ZSWIM5: variants seen among roughly 807,000 people sequenced by gnomAD.
ZSWIM5 encodes the protein zinc finger SWIM-type containing 5.
A neutral mutation model predicts 119.6 loss-of-function variants in ZSWIM5; 55 were observed. The ratio of observed to expected loss-of-function variants is 0.46; its 90% CI spans 0.37 to 0.58. The LOEUF is 0.58. Ranked by LOEUF, ZSWIM5 falls within the 20% of genes least tolerant of loss-of-function variation. The pLI is 0.00. For synonymous variants in ZSWIM5, 537 were observed against 606.9 expected (o/e 0.88, Z 1.69); for missense variants, 1,193 against 1,512.8 (o/e 0.79, Z 3.51).
At chr1:45,081,867 C>T (rs1421083420) in intron 2 of ZSWIM5, among the ~76,000 whole-genome samples, 1 of 151,780 alleles carries the variant, frequency 6.6e-6, no homozygotes, top group Non-Finnish European at 1.5e-5. Flanking sequence ...ATGACAATGG[C>T]GGCTTTGTGG....
intron 1 of ZSWIM5, among the ~76,000 whole-genome samples, chr1:45,194,836 C>T (rs1646112772): frequency 6.6e-6 from 1 of 151,230 alleles, no homozygotes; most frequent in Non-Finnish European, 1.5e-5. Flanking sequence ...GAGATTGCAC[C>T]ACTGCACACC....
intron 8 of ZSWIM5, among the ~76,000 whole-genome samples, chr1:45,038,452 C>T (rs953856455): frequency 6.6e-6 from 1 of 151,536 alleles, no homozygotes; most frequent in African/African-American, 2.4e-5. Context: ...AAAATCAGGA[C>T]AAGGCCAGAC....
At chr1:45,106,778 G>A (rs966477773) in intron 1 of ZSWIM5, among the ~76,000 whole-genome samples, 4 of 152,320 alleles carry the variant, frequency 2.6e-5, no homozygotes, top group Non-Finnish European at 4.4e-5. Flanking sequence ...AAGAAAAGGG[G>A]GAAATGTGGG....
At chr1:45,034,520 G>C (rs779663960) in intron 10 of ZSWIM5, 51 bp from the exon 11 acceptor site, 3 of 1,544,994 alleles carry the variant, frequency 1.9e-6, no homozygotes, top group South Asian at 1.3e-5. Flanking sequence ...CTGGGCTTCC[G>C]AGCCACCTTA....
chr1:45,032,858 T>A (rs1338267053), intron 11 of ZSWIM5, among the ~76,000 whole-genome samples: 1 of 152,084 alleles, frequency 6.6e-6, no homozygotes, highest in Non-Finnish European at 1.5e-5. Flanking sequence ...ACATTGTTTC[T>A]AATGAGAAAT....
At chr1:45,073,438 T>C (rs551961136) in intron 2 of ZSWIM5, among the ~76,000 whole-genome samples, 2 of 151,452 alleles carry the variant, frequency 1.3e-5, no homozygotes, top group South Asian at 4.2e-4. Flanking sequence ...TTTGTATTTT[T>C]AGTAGAGGTA....
intron 1 of ZSWIM5, among the ~76,000 whole-genome samples, chr1:45,153,106 A>G (rs1417621589): frequency 1.3e-5 from 2 of 151,512 alleles, no homozygotes; most frequent in East Asian, 1.9e-4. Flanking sequence ...AAAAAAAAAA[A>G]AAAAGAAAAA....
At chr1:45,052,452 A>G (rs1052895973) in intron 4 of ZSWIM5, among the ~76,000 whole-genome samples, 1 of 152,194 alleles carries the variant, frequency 6.6e-6, no homozygotes, top group Non-Finnish European at 1.5e-5. Context: ...CTTAGCCTCA[A>G]TTTCAGATAT....
chr1:45,127,846 A>T (rs1421875432), intron 1 of ZSWIM5, among the ~76,000 whole-genome samples: 1 of 152,174 alleles, frequency 6.6e-6, no homozygotes, highest in Non-Finnish European at 1.5e-5. Flanking sequence ...ACATATAGAA[A>T]CCCAAACTAA....
At chr1:45,196,770 A>G (rs2149055697) in intron 1 of ZSWIM5, among the ~76,000 whole-genome samples, 1 of 152,284 alleles carries the variant, frequency 6.6e-6, no homozygotes, top group Middle Eastern at 3.4e-3. Context: ...TTAAGCATAC[A>G]ATTTAATAAG....
At chr1:45,023,768 T>C (rs1356865512) in intron 11 of ZSWIM5, among the ~76,000 whole-genome samples, 7 of 152,272 alleles carry the variant, frequency 4.6e-5, no homozygotes, top group Middle Eastern at 3.4e-3. Context: ...ACTATGTTGA[T>C]CTTTGTAAAA....
intron 2 of ZSWIM5, among the ~76,000 whole-genome samples, chr1:45,076,333 G>A (rs916578372): frequency 2.0e-5 from 3 of 151,652 alleles, no homozygotes; most frequent in Non-Finnish European, 2.9e-5. Context: ...GTTTTTGTTT[G>A]TCTGGGAAAG....
intron 1 of ZSWIM5, among the ~76,000 whole-genome samples, chr1:45,140,978 T>C (rs1471227347): frequency 2.0e-5 from 3 of 151,940 alleles, no homozygotes; most frequent in African/African-American, 7.3e-5. Flanking sequence ...TTGGGGTGCA[T>C]ACAGAGAAAG....
At chr1:45,137,321 T>C (rs1262161071) in intron 1 of ZSWIM5, among the ~76,000 whole-genome samples, 1 of 152,186 alleles carries the variant, frequency 6.6e-6, no homozygotes, top group African/African-American at 2.4e-5. Flanking sequence ...AGCATTGGGA[T>C]TGCAGGCATA....
At position 45,060,203 on chromosome 1, in the gene ZSWIM5, A is replaced by G. The variant is rs779646752; in HGVS notation, c.997T>C (p.Cys333Arg). 1 of 1,614,176 alleles carries G rather than the reference A, an allele frequency of 6.2e-7. No individual in the cohort carries two copies. Among genetic ancestry groups the G allele is most frequent in the Admixed American group, 1.7e-5 (1 of 60,022 alleles). Residue 333 changes from cysteine (C) to arginine (R), a missense_variant, in exon 3 of 14, where the codon TGT becomes CGT. Physicochemically the swap from Cys to Arg is radical, Grantham distance 180. This residue lies in a region of ZSWIM5 where 961 missense variants were observed against 1,290.0 expected (regional missense o/e 0.74). Coordinates refer to ENST00000359600, the MANE Select transcript of ZSWIM5 (RefSeq NM_020883.2). Reference protein sequence around the residue: ...TAGASIDDENCWHLDEEQVKE... With the variant: ...TAGASIDDENRWHLDEEQVKE... ...ACCTGTTCTTCATCCAAATGCCAAC[A>G]GTTCTCATCGTCAATGCTGGCCCCA...
rs373607389 is a variant in ZSWIM5, at chr1:45,077,609, G to A, written c.952+10272C>T. ...CATTGTCATTGATAACATCTTATCA[G>A]GAGACAGGGTTTTGAGATCAACTGG... On this transcript the variant is annotated intron_variant, in intron 2 of 13. Coordinates refer to ENST00000359600, the MANE Select transcript of ZSWIM5 (RefSeq NM_020883.2). 1.1e-4 allele frequency among the ~76,000 whole-genome samples: 16 copies of A among 152,324 alleles called. No homozygotes were observed. The East Asian group carries it at 3.1e-3, about 29-fold the overall frequency.
chr1:45,084,117 C>T (rs1645310239), intron 2 of ZSWIM5, among the ~76,000 whole-genome samples: 1 of 152,056 alleles, frequency 6.6e-6, no homozygotes, highest in Non-Finnish European at 1.5e-5. Flanking sequence ...GCCATGTTTC[C>T]CGGGCTGGTC....
intron 1 of ZSWIM5, among the ~76,000 whole-genome samples, chr1:45,107,724 C>A (rs1455515120): frequency 6.6e-6 from 1 of 152,010 alleles, no homozygotes; most frequent in Non-Finnish European, 1.5e-5. Context: ...AACAACTTAC[C>A]TCACATCATG....
intron 1 of ZSWIM5, among the ~76,000 whole-genome samples, chr1:45,150,643 T>C (rs1346775903): frequency 6.6e-6 from 1 of 152,246 alleles, no homozygotes; most frequent in Non-Finnish European, 1.5e-5. Context: ...TTTCCTTCTG[T>C]GATCCTTTAG....
Sources: gnomAD v4.1 joint callset for allele counts (sites outside exome capture counted in the v4.1 genomes callset) on GRCh38, gnomAD v4.1.1 for gene constraint, gnomAD v4.1.1 regional missense constraint, MANE v1.5 for transcripts, NCBI Gene and HGNC (gene_info 2026-07-23, HGNC 2026-07-21) for gene names.